Variants in APC2 observed in about 807,000 individuals in gnomAD.
APC2 encodes adenomatous polyposis coli protein 2.
APC2 carries 41 observed loss-of-function variants against 72.5 expected under a neutral mutation model. The observed-to-expected ratio is 0.57, with a 90% confidence interval of 0.44 to 0.73. The LOEUF is 0.73. APC2 is among the 30% of genes least tolerant of loss of function. The pLI is 0.00. For synonymous variants in APC2, 1,898 were observed against 1,612.0 expected (o/e 1.18, Z -4.25); for missense variants, 3,729 against 3,403.4 (o/e 1.10, Z -2.38).
rs944612719 is a variant in APC2 at position 1,452,987 on chromosome 19, C to T, written c.-15C>T. On this transcript the variant is annotated 5_prime_UTR_variant, in exon 2 of 15. Coordinates refer to ENST00000590469, the MANE Select transcript of APC2 (RefSeq NM_005883.3). This position sits in a 1 kb window ranked among gnomAD's most constrained non-coding sequence, Gnocchi z 5.1. ...CCCTCTGACCCTGTGATCCCAGACG[C>T]TGCAGGAGCTGAAGATGGCGAGCTC... 1 of 1,610,726 alleles carries T rather than the reference C, an allele frequency of 6.2e-7. No homozygotes were observed. The highest frequency in any genetic ancestry group is 8.5e-7 in the Non-Finnish European group (1 of 1,179,804).
At position 1,468,076 on chromosome 19, in the gene APC2, C is replaced by T. The variant is rs1568182808; in HGVS notation, c.4775C>T (p.Ser1592Leu). Residue 1592 changes from serine (S) to leucine (L), a missense_variant, in exon 15 of 15, where the codon TCG becomes TTG. Transcript: ENST00000590469. Reference sequence around the variant, plus strand: ...AGCTCCCTCAGCGAGCCCGAGCCCTCGGAGCCGCCGGCCGTCCATCCACGA... The same window carrying T: ...AGCTCCCTCAGCGAGCCCGAGCCCTTGGAGCCGCCGGCCGTCCATCCACGA... ...SASSLSEPEP[S>L]EPPAVHPRGR... The T allele has an allele frequency of 5.2e-6, 8 of 1,552,916 alleles. No individual in the cohort carries two copies. In the East Asian group the frequency reaches 1.5e-4, roughly 29 times the overall value.
At chr19:1,453,995 T>C (rs1452047381) in intron 4 of APC2, among the ~76,000 whole-genome samples, 1 of 152,178 alleles carries the variant, frequency 6.6e-6, no homozygotes, top group African/African-American at 2.4e-5. Flanking sequence ...TGTAGAGAGC[T>C]GTGGCCCAAG....
In APC2 at chr19:1,467,024, G is replaced by A. The variant is rs1284993457; in HGVS notation, c.3723G>A (p.Leu1241=). ...LQWESYVKRF[L]DIADCRERCR... ...GGGAGAGCTACGTGAAGCGCTTCCT[G>A]GACATCGCCGACTGCCGGGAGCGCT... Residue 1241 remains leucine (L), a synonymous_variant, in exon 15 of 15, where the codon CTG becomes CTA. Transcript: ENST00000590469. 1 of 1,611,058 alleles carries A rather than the reference G, an allele frequency of 6.2e-7. No homozygotes were observed. Among genetic ancestry groups the A allele is most frequent in the Non-Finnish European group, 8.5e-7 (1 of 1,179,312 alleles).
In APC2 at chr19:1,453,091, G is replaced by A; in HGVS notation, c.90G>A (p.Arg30=). ...ACAGCCACCTGAGGCAGGAGCTAAG[G>A]GACAACTCCAGCCACCTGTCCAAGC... ...AENSHLRQEL[R]DNSSHLSKLE... The change falls in exon 2 of 15, where the codon AGG becomes AGA. Residue 30 remains arginine, a synonymous_variant. Transcript: ENST00000590469. The A allele has an allele frequency of 6.2e-7, 1 of 1,609,142 alleles. No individual in the cohort carries two copies. The highest frequency in any genetic ancestry group is 1.9e-4 in the Middle Eastern group (1 of 5,210).
rs145970006 is a variant in APC2, at chr19:1,467,279, G to A, written c.3978G>A (p.Ala1326=). The part of the protein sequence containing the change: ...AGHRRREEGP[A]PTGSRPRGAA... ...ACCGGCGGCGGGAGGAGGGGCCGGCGCCCACGGGTTCTCGCCCTCGCGGCG... is the reference window on the plus strand; with the variant it reads ...ACCGGCGGCGGGAGGAGGGGCCGGCACCCACGGGTTCTCGCCCTCGCGGCG... The change falls in exon 15 of 15, where the codon GCG becomes GCA. Residue 1326 remains alanine (A), a synonymous_variant. Coordinates refer to ENST00000590469, the MANE Select transcript of APC2 (RefSeq NM_005883.3). The A allele has an allele frequency of 6.9e-3, 9,080 of 1,312,312 alleles. 579 individuals carry two copies. In the African/African-American group the frequency reaches 0.13, roughly 18 times the overall value. The allele number at this position is 1,312,312 out of a possible 1,614,324, so 81.3% of individuals were successfully genotyped here.
In APC2 at chr19:1,469,189, CGGGGGCGCGCGG is replaced by C. The variant is rs1473053864; in HGVS notation, c.5892_5903del (p.Ala1965_Gly1968del). On this transcript the variant is annotated inframe_deletion, in exon 15 of 15. Coordinates refer to ENST00000590469, the MANE Select transcript of APC2 (RefSeq NM_005883.3). Reference sequence around the variant, plus strand: ...GGCCGGGCGGGGACCGAGGCGGGCCCGGGGGCGCGCGGGGGCCGCCTGGGCCTGGTGCGTGTG... The same window carrying C: ...GGCCGGGCGGGGACCGAGGCGGGCCCGGGCCGCCTGGGCCTGGTGCGTGTG... 1 of 1,284,736 alleles carries C rather than the reference CGGGGGCGCGCGG, an allele frequency of 7.8e-7. No homozygotes were observed. Among genetic ancestry groups the C allele is most frequent in the Non-Finnish European group, 9.9e-7 (1 of 1,014,916 alleles). 79.6% of individuals were successfully genotyped at this position (1,284,736 alleles called of 1,614,324 possible). A position where few individuals can be genotyped will look rare whatever the true frequency, so the allele number is the denominator to read the frequency against.
chr19:1,460,748 C>G (rs766719665), intron 11 of APC2, 32 bp from the exon 12 acceptor site: 2 of 1,604,706 alleles, frequency 1.2e-6, no homozygotes, highest in Non-Finnish European at 1.7e-6. Context: ...TGTGTCCCAA[C>G]CCCGTGACCC....
upstream of APC2, among the ~76,000 whole-genome samples, chr19:1,448,848 AAAAAAAAAAG>A (rs1281075308): frequency 2.6e-5 from 4 of 151,242 alleles, no homozygotes; most frequent in South Asian, 2.1e-4. Flanking sequence ...CGTCTCAAAA[AAAAAAAAAAG>A]AAAAAAAAGA....
At position 1,465,731 on chromosome 19, in the gene APC2, C is replaced by G; in HGVS notation, c.2430C>G (p.Phe810Leu). ...AALSLFLGSPFLQGQALARTP... is the reference protein window; with the variant it reads ...AALSLFLGSPLLQGQALARTP... ...TGTCCCTCTTCCTGGGCAGCCCCTT[C>G]CTGCAGGGGCAGGCGCTGGCTCGCA... Residue 810 changes from phenylalanine to leucine, a missense_variant, in exon 15 of 15, where the codon TTC (phenylalanine) becomes TTG (leucine). Physicochemically the swap from Phe to Leu is conservative, Grantham distance 22. Transcript: ENST00000590469. The G allele has an allele frequency of 6.4e-7, 1 of 1,552,392 alleles. No homozygotes were observed. Among genetic ancestry groups the G allele is most frequent in the South Asian group, 1.2e-5 (1 of 84,438 alleles).
At chr19:1,462,779 C>G (rs141155754) in intron 14 of APC2, among the ~76,000 whole-genome samples, 2,326 of 141,008 alleles carry the variant, frequency 0.016, 71 homozygotes, top group African/African-American at 0.058. Context: ...GACCATCCTG[C>G]CTAACACGGT....
Position 1,465,845 on chromosome 19 carries a change from G to A in APC2, c.2544G>A (p.Ala848=), listed in dbSNP as rs774366941. The A allele has an allele frequency of 1.3e-6, 2 of 1,573,800 alleles. No homozygotes were observed. Among genetic ancestry groups the A allele is most frequent in the East Asian group, 2.3e-5 (1 of 44,206 alleles). ...CGGCCAAGGCCAAGGCCAAGCTGGC[G>A]CTTGCAGTGGCGCGCATCGACCAGC... ...AVAAKAKAKL[A]LAVARIDQLV... Residue 848 remains alanine, a synonymous_variant, in exon 15 of 15, where the codon GCG becomes GCA. Coordinates refer to ENST00000590469, the MANE Select transcript of APC2 (RefSeq NM_005883.3).
rs1270841577 is a variant in APC2, at chr19:1,468,403, A to C, written c.5102A>C (p.His1701Pro). Residue 1701 changes from histidine (H) to proline (P), a missense_variant, in exon 15 of 15, where the codon CAC (histidine) becomes CCC (proline). Coordinates refer to ENST00000590469, the MANE Select transcript of APC2 (RefSeq NM_005883.3). ...EGANSIVTWLHQAAAATREAS... is the reference protein window; with the variant it reads ...EGANSIVTWLPQAAAATREAS... ...GCCAATTCAATTGTCACGTGGCTGC[A>C]CCAGGCAGCAGCTGCCACGCGGGAG... 1 of 1,588,546 alleles carries C rather than the reference A, an allele frequency of 6.3e-7. No individual in the cohort carries two copies. Among genetic ancestry groups the C allele is most frequent in the Non-Finnish European group, 8.6e-7 (1 of 1,167,812 alleles).
intron 6 of APC2, among the ~76,000 whole-genome samples, chr19:1,455,817 G>T (rs983926108): frequency 4.0e-5 from 6 of 149,608 alleles, no homozygotes; most frequent in Non-Finnish European, 8.9e-5. Context: ...GAGCCCAAAT[G>T]GGAAGTGGGA....
Position 1,457,033 on chromosome 19 carries a change from G to A in APC2, c.997G>A (p.Gly333Arg), listed in dbSNP as rs745997423. 3.9e-6 allele frequency: 6 copies of A among 1,519,766 alleles called. No individual in the cohort carries two copies. Among genetic ancestry groups the A allele is most frequent in the African/African-American group, 1.4e-5 (1 of 70,632 alleles). The allele number at this position is 1,519,766 out of a possible 1,614,324, so 94.1% of individuals were successfully genotyped here. Residue 333 changes from glycine (G) to arginine (R), a missense_variant, in exon 9 of 15, where the codon GGG becomes AGG. Coordinates refer to ENST00000590469, the MANE Select transcript of APC2 (RefSeq NM_005883.3). The stretch of plus-strand genomic sequence containing the variant: ...CGAGGCCGCGGCCGGGGGTCGCGCC[G>A]GGGCCCCAGGGGCACCGGGCGCCAA... ...GTEAAAGGRA[G>R]APGAPGAKDA...
At position 1,468,002 on chromosome 19, in the gene APC2, C is replaced by T; in HGVS notation, c.4701C>T (p.Ser1567=). The T allele has an allele frequency of 1.9e-6, 3 of 1,585,960 alleles. No homozygotes were observed. Among genetic ancestry groups the T allele is most frequent in the Non-Finnish European group, 2.6e-6 (3 of 1,174,880 alleles). ...CGCCGCCCGCCCGGACCCAGCCCAG[C>T]CTCATTGCTGACGAGACCCCGCCCT... is the stretch of plus-strand genomic sequence containing the variant. ...AAPPPARTQP[S]LIADETPPCY... The change falls in exon 15 of 15, where the codon AGC becomes AGT. Residue 1567 remains serine (S), a synonymous_variant. Transcript: ENST00000590469.
rs1215782626 is a variant in APC2 at position 1,471,324 on chromosome 19, G to T, written c.*1111G>T. ...GCCCTAGAACTCCAGAAACAGCACA[G>T]CTGGGGCGGGGACCCAGCCTTGCCC... On this transcript the variant is annotated 3_prime_UTR_variant, in exon 15 of 15. Coordinates refer to ENST00000590469, the MANE Select transcript of APC2 (RefSeq NM_005883.3). The T allele has an allele frequency of 6.6e-6, 1 of 152,314 alleles. No individual in the cohort carries two copies. The highest frequency in any genetic ancestry group is 6.5e-5 in the Admixed American group (1 of 15,290). The allele number at this position is 152,314 out of a possible 1,614,324, so 9.4% of individuals were successfully genotyped here. A position where few individuals can be genotyped will look rare whatever the true frequency, so the allele number is the denominator to read the frequency against.
At chr19:1,447,009 G>T (rs1258329605), upstream of APC2, among the ~76,000 whole-genome samples, 3 of 152,218 alleles carry the variant, frequency 2.0e-5, no homozygotes, top group Non-Finnish European at 2.9e-5. Context: ...AACGCGGGGC[G>T]GGGGCCGGGG....
chr19:1,468,735 C>T lies in APC2; in HGVS notation c.5434C>T (p.Arg1812Cys), dbSNP rs777576770. ...RAQPKGTPGP[R>C]ATPRKVAPPC... ...CCAGCCCAAAGGGACCCCCGGCCCC[C>T]GCGCCACACCGCGGAAGGTGGCGCC... is the stretch of plus-strand genomic sequence containing the variant. Residue 1812 changes from arginine to cysteine, a missense_variant, in exon 15 of 15, where the codon CGC (arginine) becomes TGC (cysteine). By Grantham distance (180) the Arg-to-Cys change is radical (BLOSUM62 -3). Transcript: ENST00000590469. 37 of 1,498,836 alleles carry T rather than the reference C, an allele frequency of 2.5e-5. No individual in the cohort carries two copies. Among genetic ancestry groups the T allele is most frequent in the Non-Finnish European group, 3.1e-5 (35 of 1,121,022 alleles). 92.8% of individuals were successfully genotyped at this position (1,498,836 alleles called of 1,614,324 possible).
chr19:1,464,632 CTTTTTTTTTTT>C (rs1010096440), intron 14 of APC2, among the ~76,000 whole-genome samples: 2 of 123,716 alleles, frequency 1.6e-5, no homozygotes, highest in Admixed American at 8.1e-5. Context: ...CTGTTTTTTC[CTTTTTTTTTTT>C]TTTTTTTTGA....
Sources: gnomAD v4.1 joint callset for allele counts (sites outside exome capture counted in the v4.1 genomes callset) on GRCh38, gnomAD v4.1.1 for gene constraint, Gnocchi (gnomAD v3.1) non-coding constraint, MANE v1.5 for transcripts, NCBI Gene and HGNC (gene_info 2026-07-23, HGNC 2026-07-21) for gene names.